The following RFX2 variants were observed in gnomAD, a reference collection of about 807,000 sequenced individuals.
The protein encoded by RFX2 is DNA-binding protein RFX2.
In RFX2, 20 loss-of-function variants were observed where a neutral mutation model predicts 87.8. The ratio of observed to expected loss-of-function variants is 0.23; its 90% CI spans 0.16 to 0.33. The LOEUF (loss-of-function observed/expected upper bound fraction) is 0.33. RFX2 is among the 10% of genes least tolerant of loss of function. The pLI is 1.00. For synonymous variants in RFX2, 397 were observed against 431.3 expected, an observed-to-expected ratio of 0.92 and a Z score of 0.98; for missense variants, 767 against 1,012.3, an observed-to-expected ratio of 0.76 and a Z score of 3.29.
Position 6,017,901 on chromosome 19 carries a change from CCTGT to C in RFX2, c.598-1634_598-1631del, listed in dbSNP as rs997046237. Among the ~76,000 whole-genome samples, 4 of 139,528 alleles carry C rather than the reference CCTGT, an allele frequency of 2.9e-5. No individual in the cohort carries two copies. Among genetic ancestry groups the C allele is most frequent in the East Asian group, 2.5e-4 (1 of 4,026 alleles). The allele number at this position is 139,528 out of a possible 152,430, so 91.5% of individuals were successfully genotyped here. On this transcript the variant is annotated intron_variant, in intron 6 of 17. Transcript: ENST00000303657. The surrounding 1 kb of genome is among the most constrained non-coding windows in gnomAD (Gnocchi z 4.1). ...CCCCCCCGCCCCACTGTCACGTTTG[CCTGT>C]CTGTTTGCCCCATCCCCACCCCCCC...
chr19:6,015,948 A>T lies in RFX2; in HGVS notation c.779+142T>A, dbSNP rs1256704071. 3 of 701,970 alleles carry T rather than the reference A, an allele frequency of 4.3e-6. No homozygotes were observed. The East Asian group carries it at 9.3e-5, about 22-fold the overall frequency. 43.5% of individuals were successfully genotyped at this position (701,970 alleles called of 1,614,324 possible). On this transcript the variant is annotated intron_variant, in intron 7 of 17. Coordinates refer to ENST00000303657, the MANE Select transcript of RFX2 (RefSeq NM_000635.4). Reference sequence around the variant, plus strand: ...CTGGCCACAGCCAAGGCTGCCGCCAATTGAAAGTAACTGCAAGCACTCCAG... The same window carrying T: ...CTGGCCACAGCCAAGGCTGCCGCCATTTGAAAGTAACTGCAAGCACTCCAG...
chr19:6,049,703 A>G (rs1381248023), intron 1 of RFX2, among the ~76,000 whole-genome samples: 2 of 152,220 alleles, frequency 1.3e-5, no homozygotes, highest in South Asian at 4.2e-4. Context: ...TAATTTTTGT[A>G]TTTTTATAGA....
rs757206364 is a variant in RFX2, at chr19:6,010,102, G to A, written c.1015+34C>T. 4.7e-5 allele frequency: 65 copies of A among 1,381,786 alleles called. No individual in the cohort carries two copies. The African/African-American group carries it at 7.6e-4, about 16-fold the overall frequency. 85.6% of individuals were successfully genotyped at this position (1,381,786 alleles called of 1,614,324 possible). ...ACCCAGGAGTGTGGCGAGCAGATGG[G>A]AGCCCCGCCCCCGGGCCTGACCGGG... On this transcript the variant is annotated intron_variant, in intron 9 of 17. Transcript: ENST00000303657. This position sits in a 1 kb window ranked among gnomAD's most constrained non-coding sequence, Gnocchi z 5.0.
At chr19:6,051,613 G>C (rs959314033) in intron 1 of RFX2, among the ~76,000 whole-genome samples, 1 of 151,810 alleles carries the variant, frequency 6.6e-6, no homozygotes, top group South Asian at 2.1e-4. Context: ...AAGAAATAAA[G>C]AACAGAGAAA....
At position 6,086,056 on chromosome 19, in the gene RFX2, C is replaced by T. The variant is rs1174686100; in HGVS notation, c.-9+24337G>A. ...GCAGTGAGCCATGATTGTACCACTGCACTCCAGCCTGGGTGATAGAACAAG... is the reference window on the plus strand; with the variant it reads ...GCAGTGAGCCATGATTGTACCACTGTACTCCAGCCTGGGTGATAGAACAAG... On this transcript the variant is annotated intron_variant, in intron 1 of 17. Coordinates refer to ENST00000303657, the MANE Select transcript of RFX2 (RefSeq NM_000635.4). 2.2e-5 allele frequency among the ~76,000 whole-genome samples: 3 copies of T among 138,166 alleles called. No individual in the cohort carries two copies. In the East Asian group the frequency reaches 6.7e-4, roughly 31 times the overall value. The allele number at this position is 138,166 out of a possible 152,430, so 90.6% of individuals were successfully genotyped here. A position where few individuals can be genotyped will look rare whatever the true frequency, so the allele number is the denominator to read the frequency against.
At chr19:6,084,257 C>T (rs969720433) in intron 1 of RFX2, among the ~76,000 whole-genome samples, 3 of 152,140 alleles carry the variant, frequency 2.0e-5, no homozygotes, top group Non-Finnish European at 2.9e-5. Flanking sequence ...AGCAGGACAG[C>T]GTAGGGACTT....
chr19:6,088,211 C>CTTTTTT (rs1030226963), intron 1 of RFX2, among the ~76,000 whole-genome samples: 22 of 84,402 alleles, frequency 2.6e-4, no homozygotes, highest in Admixed American at 4.1e-4. Flanking sequence ...GGCACTACAG[C>CTTTTTT]TTTTTTTTTT....
At chr19:6,098,568 G>A (rs1436129308) in intron 1 of RFX2, among the ~76,000 whole-genome samples, 1 of 152,120 alleles carries the variant, frequency 6.6e-6, no homozygotes, top group Non-Finnish European at 1.5e-5. Flanking sequence ...CAGCTCTCAA[G>A]TTTTGAAGTC....
chr19:6,032,798 C>G (rs768045740), intron 5 of RFX2, among the ~76,000 whole-genome samples: 26 of 152,214 alleles, frequency 1.7e-4, no homozygotes, highest in Non-Finnish European at 2.1e-4. Flanking sequence ...TTGTTTGTTT[C>G]TTTGTTTTGA....
chr19:5,995,001 G>A (rs369346840), intron 17 of RFX2, 51 bp from the exon 18 acceptor site: 17 of 1,415,968 alleles, frequency 1.2e-5, no homozygotes, highest in Non-Finnish European at 1.5e-5. Context: ...GGCACGAGAG[G>A]GAGAGAAGGA....
intron 1 of RFX2, among the ~76,000 whole-genome samples, chr19:6,085,618 G>A (rs2087846250): frequency 6.6e-6 from 1 of 152,148 alleles, no homozygotes; most frequent in South Asian, 2.1e-4. Flanking sequence ...GAACGCTGAT[G>A]GCCTAATCCT....
chr19:6,044,416 G>A lies in RFX2; in HGVS notation c.91-134C>T, dbSNP rs555648472. On this transcript the variant is annotated intron_variant, in intron 2 of 17. Transcript: ENST00000303657. The surrounding 1 kb of genome is among the most constrained non-coding windows in gnomAD (Gnocchi z 5.3). ...ATAGGCAGGACTGATCAGAGGCGAC[G>A]GCGGGGTGATGGTCAGACTTGCACA... The A allele has an allele frequency of 1.1e-5, 6 of 523,852 alleles. No homozygotes were observed. The highest frequency in any genetic ancestry group is 4.0e-5 in the African/African-American group (2 of 50,514). The allele number at this position is 523,852 out of a possible 1,614,324, so 32.5% of individuals were successfully genotyped here.
At chr19:6,035,840 C>G (rs537522107) in intron 5 of RFX2, among the ~76,000 whole-genome samples, 117 of 132,392 alleles carry the variant, frequency 8.8e-4, no homozygotes, top group African/African-American at 2.8e-3. Context: ...TCCCCCAGAG[C>G]TTGGTGGGGG....
intron 9 of RFX2, among the ~76,000 whole-genome samples, chr19:6,009,751 T>C (rs1278867426): frequency 6.6e-6 from 1 of 152,024 alleles, no homozygotes; most frequent in Non-Finnish European, 1.5e-5. Context: ...CTGGCTAATT[T>C]TTTAAGTTTT....
Position 6,053,459 on chromosome 19 carries a change from C to G in RFX2, c.-8-5955G>C, listed in dbSNP as rs936477956. Among the ~76,000 whole-genome samples, 7 of 152,146 alleles carry G rather than the reference C, an allele frequency of 4.6e-5. 1 individual carries two copies. Among genetic ancestry groups the G allele is most frequent in the Admixed American group, 3.3e-4 (5 of 15,276 alleles). On this transcript the variant is annotated intron_variant, in intron 1 of 17. Transcript: ENST00000303657. ...GTCCAAACCATAGAATGTACAACAC[C>G]AACAGTGAACTCTCGAGGAAACTAT... is the stretch of plus-strand genomic sequence containing the variant.
intron 9 of RFX2, 66 bp from the exon 10 acceptor site, chr19:6,008,290 G>GT: frequency 4.1e-6 from 4 of 968,406 alleles, no homozygotes; most frequent in African/African-American, 1.6e-5. Flanking sequence ...CAACTGGAAG[G>GT]CCACGGTGGA....
Position 6,083,007 on chromosome 19 carries a change from C to T in RFX2, c.-9+27386G>A, listed in dbSNP as rs1039846602. Among the ~76,000 whole-genome samples, 3 of 152,234 alleles carry T rather than the reference C, an allele frequency of 2.0e-5. No individual in the cohort carries two copies. Among genetic ancestry groups the T allele is most frequent in the Admixed American group, 6.5e-5 (1 of 15,290 alleles). Reference sequence around the variant, plus strand: ...TGCCCAGGCTGCAGTGGCACAAACACGGCTCGCTGCAGCCTCAACCTCCCT... The same window carrying T: ...TGCCCAGGCTGCAGTGGCACAAACATGGCTCGCTGCAGCCTCAACCTCCCT... On this transcript the variant is annotated intron_variant, in intron 1 of 17. Coordinates refer to ENST00000303657, the MANE Select transcript of RFX2 (RefSeq NM_000635.4). The surrounding 1 kb of genome is among the most constrained non-coding windows in gnomAD (Gnocchi z 4.6).
chr19:6,097,032 C>T (rs779153460), intron 1 of RFX2, among the ~76,000 whole-genome samples: 4 of 152,104 alleles, frequency 2.6e-5, no homozygotes, highest in Admixed American at 2.0e-4. Context: ...TAATCAGAAA[C>T]AGAAAGGGAA....
At chr19:6,014,621 G>A (rs12977353) in intron 7 of RFX2, among the ~76,000 whole-genome samples, 31,236 of 151,998 alleles carry the variant, frequency 0.21, 3,543 homozygotes, top group Middle Eastern at 0.29. Flanking sequence ...CCAGGTGCTC[G>A]GAGGAGGGAA....
Sources: gnomAD v4.1 joint callset for allele counts (sites outside exome capture counted in the v4.1 genomes callset) on GRCh38, gnomAD v4.1.1 for gene constraint, Gnocchi (gnomAD v3.1) non-coding constraint, MANE v1.5 for transcripts, NCBI Gene and HGNC (gene_info 2026-07-23, HGNC 2026-07-21) for gene names.